Variants in CATSPERB observed in about 807,000 individuals in gnomAD.
CATSPERB encodes the protein cation channel sperm-associated auxiliary subunit beta.
A neutral mutation model predicts 128.3 loss-of-function variants in CATSPERB; 93 were observed. That is an observed-to-expected ratio of 0.72 (90% CI 0.61 to 0.86). The LOEUF is 0.86. Among genes scored for constraint, CATSPERB ranks in the 40% least tolerant of loss-of-function variants. The pLI is 0.00. For missense variants in CATSPERB, 1,153 were observed against 1,329.5 expected, an observed-to-expected ratio of 0.87 and a Z score of 2.06; for synonymous variants, 381 against 448.8, an observed-to-expected ratio of 0.85 and a Z score of 1.91.
chr14:91,666,654 A>G (rs1405521854), intron 14 of CATSPERB, among the ~76,000 whole-genome samples: 2 of 152,188 alleles, frequency 1.3e-5, no homozygotes, highest in African/African-American at 4.8e-5. Flanking sequence ...TCTTAGTGTC[A>G]GAGGCTATCA....
At chr14:91,674,906 C>T (rs2139833598) in intron 11 of CATSPERB, among the ~76,000 whole-genome samples, 1 of 152,344 alleles carries the variant, frequency 6.6e-6, no homozygotes, top group South Asian at 2.1e-4. Flanking sequence ...GAATGCCTCC[C>T]ACCCCAAGTT....
At chr14:91,676,065 A>G (rs1057301572) in intron 11 of CATSPERB, among the ~76,000 whole-genome samples, 2 of 151,978 alleles carry the variant, frequency 1.3e-5, no homozygotes, top group African/African-American at 2.4e-5. Flanking sequence ...GCTTACTGGG[A>G]TTGCAGCAGG....
At chr14:91,586,858 A>G (rs980375828) in intron 26 of CATSPERB, among the ~76,000 whole-genome samples, 1 of 152,276 alleles carries the variant, frequency 6.6e-6, no homozygotes, top group African/African-American at 2.4e-5. Flanking sequence ...CTAAAAAGTT[A>G]CAGAAATATG....
In CATSPERB at chr14:91,621,891, C is replaced by G. The variant is rs1894054353; in HGVS notation, c.1977G>C (p.Val659=). 6.2e-7 allele frequency: 1 copy of G among 1,613,406 alleles called. No individual in the cohort carries two copies. The highest frequency in any genetic ancestry group is 8.5e-7 in the Non-Finnish European group (1 of 1,179,660). Residue 659 remains valine, a synonymous_variant, in exon 19 of 27, where the codon GTG becomes GTC. Coordinates refer to ENST00000256343, the MANE Select transcript of CATSPERB (RefSeq NM_024764.4). ...FEDTDIEKTV[V]LPGYSSFLIT... Reference sequence around the variant, plus strand: ...TGAGGAAGCTGCTGTACCCGGGAAGCACTACAGTCTTCTCTATATCTGTAT... The same window carrying G: ...TGAGGAAGCTGCTGTACCCGGGAAGGACTACAGTCTTCTCTATATCTGTAT...
intron 4 of CATSPERB, among the ~76,000 whole-genome samples, chr14:91,721,836 C>T (rs1369631577): frequency 4.2e-5 from 6 of 143,708 alleles, no homozygotes; most frequent in African/African-American, 1.0e-4. Flanking sequence ...GGTGACAGAA[C>T]GAGACTCTGT....
chr14:91,597,324 CA>C (rs1360549036), intron 22 of CATSPERB, among the ~76,000 whole-genome samples: 1 of 151,928 alleles, frequency 6.6e-6, no homozygotes, highest in Non-Finnish European at 1.5e-5. Flanking sequence ...TCCAGCATTC[CA>C]AAAAAAGTGA....
intron 17 of CATSPERB, among the ~76,000 whole-genome samples, chr14:91,634,392 T>G (rs1205305849): frequency 6.6e-6 from 1 of 152,032 alleles, no homozygotes; most frequent in Non-Finnish European, 1.5e-5. Context: ...CCCATGTTGT[T>G]CAAGGATCAA....
intron 14 of CATSPERB, among the ~76,000 whole-genome samples, chr14:91,665,065 T>A (rs545885858): frequency 2.6e-4 from 40 of 152,054 alleles, no homozygotes; most frequent in African/African-American, 8.7e-4. Context: ...AATTTTTTTT[T>A]ATTTTTTGGT....
Position 91,666,343 on chromosome 14 carries a change from AGGCC to A in CATSPERB, c.1287+3467_1287+3470del, listed in dbSNP as rs529699360. On this transcript the variant is annotated intron_variant, in intron 14 of 26. Coordinates refer to ENST00000256343, the MANE Select transcript of CATSPERB (RefSeq NM_024764.4). ...GATCCCTGGATAGAGCGAGATAGCC[AGGCC>A]CCTCTATACTCTAATCAAGGAGACC... 7.9e-5 allele frequency among the ~76,000 whole-genome samples: 12 copies of A among 152,336 alleles called. No homozygotes were observed. In the South Asian group the frequency reaches 2.5e-3, roughly 32 times the overall value.
chr14:91,702,736 G>A (rs927173226), intron 7 of CATSPERB, among the ~76,000 whole-genome samples: 1 of 149,174 alleles, frequency 6.7e-6, no homozygotes, highest in South Asian at 2.1e-4. Context: ...ATTTTTCTTG[G>A]AATCATATTG....
chr14:91,621,728 A>T lies in CATSPERB; in HGVS notation c.2140T>A (p.Tyr714Asn). 1 of 1,613,906 alleles carries T rather than the reference A, an allele frequency of 6.2e-7. No individual in the cohort carries two copies. The highest frequency in any genetic ancestry group is 8.5e-7 in the Non-Finnish European group (1 of 1,179,784). ...AACCAATAATTACATGGTTTTGAAT[A>T]TATTTTCCATGTTCGTCCATTCCTT... ...GQRNGRTWKI[Y>N]SKPCNYWFQH... The change falls in exon 19 of 27, where the codon TAT (tyrosine) becomes AAT (asparagine). Residue 714 changes from tyrosine to asparagine, a missense_variant. Physicochemically the swap from Tyr to Asn is moderately radical, Grantham distance 143. Transcript: ENST00000256343.
chr14:91,628,907 G>A (rs143732139), intron 17 of CATSPERB, among the ~76,000 whole-genome samples: 35 of 152,278 alleles, frequency 2.3e-4, no homozygotes, highest in African/African-American at 7.2e-4. Flanking sequence ...AGGAACTCTC[G>A]TTCATTGTTG....
In CATSPERB at chr14:91,692,664, G is replaced by A. The variant is rs544201125; in HGVS notation, c.831+462C>T. The stretch of plus-strand genomic sequence containing the variant: ...TCTCATCTCTGTTGTGGTAATTTTT[G>A]AGAGGTACTTGTTAACATGTTTAAG... On this transcript the variant is annotated intron_variant, in intron 9 of 26. Coordinates refer to ENST00000256343, the MANE Select transcript of CATSPERB (RefSeq NM_024764.4). Among the ~76,000 whole-genome samples the A allele has an allele frequency of 3.3e-5, 5 of 152,160 alleles. No individual in the cohort carries two copies. The South Asian group carries it at 8.3e-4, about 25-fold the overall frequency.
At chr14:91,719,309 G>A (rs1447686395) in intron 5 of CATSPERB, 109 bp downstream of exon 5, 7 of 697,360 alleles carry the variant, frequency 1.0e-5, no homozygotes, top group Non-Finnish European at 1.6e-5. Flanking sequence ...ACCACATGGG[G>A]GATTTACATG....
At chr14:91,679,447 G>A (rs1895243891) in intron 11 of CATSPERB, among the ~76,000 whole-genome samples, 1 of 152,042 alleles carries the variant, frequency 6.6e-6, no homozygotes, top group Admixed American at 6.6e-5. Context: ...TGCCATAGAT[G>A]GCCTATGTCA....
At chr14:91,645,499 T>G (rs1250331799) in intron 15 of CATSPERB, among the ~76,000 whole-genome samples, 5 of 82,886 alleles carry the variant, frequency 6.0e-5, no homozygotes, top group African/African-American at 2.4e-4. Context: ...TGCTGGGGGG[T>G]GCCTCCCAGT....
intron 15 of CATSPERB, among the ~76,000 whole-genome samples, chr14:91,651,160 G>A (rs1240887820): frequency 6.6e-6 from 1 of 152,180 alleles, no homozygotes; most frequent in Admixed American, 6.5e-5. Flanking sequence ...GATTGGGCTT[G>A]GCAAATGAAA....
At chr14:91,684,832 G>A (rs986370036) in intron 10 of CATSPERB, among the ~76,000 whole-genome samples, 4 of 151,872 alleles carry the variant, frequency 2.6e-5, no homozygotes, top group Non-Finnish European at 5.9e-5. Flanking sequence ...GGCCAGGCTG[G>A]TCTCGAACTC....
intron 15 of CATSPERB, among the ~76,000 whole-genome samples, chr14:91,649,356 T>TA (rs2139813547): frequency 7.6e-6 from 1 of 132,410 alleles, no homozygotes; most frequent in African/African-American, 2.8e-5. Flanking sequence ...TGTGTGTGTG[T>TA]GTGTGTAGAG....
Sources: allele counts gnomAD v4.1 joint callset (sites outside exome capture counted in the v4.1 genomes callset), GRCh38; gene constraint gnomAD v4.1.1; transcripts MANE v1.5; gene names NCBI Gene and HGNC (gene_info 2026-07-23, HGNC 2026-07-21).